MED12L: variants seen among roughly 807,000 people sequenced by gnomAD.
MED12L encodes the protein mediator complex subunit 12L.
Under a neutral mutation model 281.3 loss-of-function variants are expected in MED12L, and 60 were observed. That is an observed-to-expected ratio of 0.21 (90% CI 0.17 to 0.26). The LOEUF is 0.26. MED12L is among the 10% of genes least tolerant of loss of function. The probability of loss-of-function intolerance (pLI) is 1.00; values close to 1 mark genes in which losing one functional copy is unlikely to be tolerated. For missense variants in MED12L, 2,146 were observed against 2,680.9 expected (o/e 0.80, Z 4.41); for synonymous variants, 974 against 987.2 (o/e 0.99, Z 0.25).
At chr3:151,087,213 C>T (rs1024439113) in intron 2 of MED12L, among the ~76,000 whole-genome samples, 188 bp downstream of exon 2, 3 of 152,242 alleles carry the variant, frequency 2.0e-5, no homozygotes, top group Admixed American at 6.5e-5. Context: ...CTGTCAGTCC[C>T]CGCGCTCCAC....
intron 17 of MED12L, 70 bp from the exon 18 acceptor site, chr3:151,355,051 A>C (rs970853195): frequency 3.6e-6 from 4 of 1,111,456 alleles, no homozygotes; most frequent in Non-Finnish European, 5.4e-6. Flanking sequence ...CTTTAAAAAA[A>C]AGTATCCATT....
intron 16 of MED12L, among the ~76,000 whole-genome samples, chr3:151,265,496 C>G (rs1309270787): frequency 6.6e-6 from 1 of 152,178 alleles, no homozygotes; most frequent in Non-Finnish European, 1.5e-5. Flanking sequence ...TTATTCTCAA[C>G]TGCCCACTTG....
intron 16 of MED12L, chr3:151,269,669 A>G: frequency 2.4e-6 from 1 of 419,324 alleles, no homozygotes; most frequent in Non-Finnish European, 4.6e-6. Flanking sequence ...ATTTGGAGGT[A>G]TTAAATCAGG....
chr3:151,340,418 C>T (rs1751664950), intron 16 of MED12L, among the ~76,000 whole-genome samples: 2 of 152,084 alleles, frequency 1.3e-5, no homozygotes, highest in African/African-American at 4.8e-5. Context: ...GGCTAATTAA[C>T]AATTGTCTCT....
At position 151,377,033 on chromosome 3, in the gene MED12L, A is replaced by T; in HGVS notation, c.4171A>T (p.Ile1391Phe). ...CGAAATGAACAACTTACTGGACAATATTGCAAAGGCAACAATAGAGGTATT... is the reference window on the plus strand; with the variant it reads ...CGAAATGAACAACTTACTGGACAATTTTGCAAAGGCAACAATAGAGGTATT... ...VAEMNNLLDN[I>F]AKATIEVFQQ... The change falls in exon 30 of 45, where the codon ATT (isoleucine) becomes TTT (phenylalanine). Residue 1391 changes from isoleucine to phenylalanine, a missense_variant. By Grantham distance (21) the Ile-to-Phe change is conservative. Coordinates refer to ENST00000687756, the MANE Select transcript of MED12L (RefSeq NM_001393769.1). 1 of 1,614,104 alleles carries T rather than the reference A, an allele frequency of 6.2e-7. No homozygotes were observed. The highest frequency in any genetic ancestry group is 8.5e-7 in the Non-Finnish European group (1 of 1,179,956).
intron 16 of MED12L, chr3:151,329,577 T>C (rs898917581): frequency 2.2e-6 from 3 of 1,358,130 alleles, no homozygotes; most frequent in Non-Finnish European, 3.1e-6. Flanking sequence ...TGCTTTCTTA[T>C]AGTGGATTTC....
At chr3:151,100,300 TC>T in intron 2 of MED12L, among the ~76,000 whole-genome samples, 1 of 152,308 alleles carries the variant, frequency 6.6e-6, no homozygotes, top group South Asian at 2.1e-4. Flanking sequence ...GTGCTGCAGA[TC>T]AGCTGTGCAA....
chr3:151,096,287 A>G (rs1720698117), intron 2 of MED12L, among the ~76,000 whole-genome samples: 2 of 152,218 alleles, frequency 1.3e-5, no homozygotes, highest in Non-Finnish European at 2.9e-5. Flanking sequence ...GTTGGACCAT[A>G]TGTCAATTTC....
intron 16 of MED12L, chr3:151,269,974 C>G: frequency 6.2e-6 from 2 of 323,828 alleles, no homozygotes; most frequent in South Asian, 2.7e-5. Flanking sequence ...CATTACAGTA[C>G]TACTTGGTTT....
chr3:151,396,478 T>G (rs1474271540), intron 39 of MED12L, among the ~76,000 whole-genome samples: 2 of 152,000 alleles, frequency 1.3e-5, no homozygotes, highest in Non-Finnish European at 2.9e-5. Context: ...ATACAAAAAT[T>G]AGGCATGGTA....
rs73012985 is a variant in MED12L at position 151,094,019 on chromosome 3, G to A, written c.99+6994G>A. 2.3e-3 allele frequency among the ~76,000 whole-genome samples: 353 copies of A among 152,346 alleles called. 2 individuals carry two copies. Among genetic ancestry groups the A allele is most frequent in the African/African-American group, 8.0e-3 (334 of 41,574 alleles). On this transcript the variant is annotated intron_variant, in intron 2 of 44. Coordinates refer to ENST00000687756, the MANE Select transcript of MED12L (RefSeq NM_001393769.1). ...TGCACTGGGTGAGCACGAGGTAGGA[G>A]AGGATGAGGATGCACAGAGTTGAAA...
intron 16 of MED12L, among the ~76,000 whole-genome samples, chr3:151,229,251 G>T (rs1321663045): frequency 6.6e-6 from 1 of 150,828 alleles, no homozygotes; most frequent in Non-Finnish European, 1.5e-5. Flanking sequence ...CTGTTAGAGG[G>T]TTCTTTGATT....
intron 17 of MED12L, among the ~76,000 whole-genome samples, chr3:151,352,074 G>C (rs1753302362): frequency 6.6e-6 from 1 of 152,086 alleles, no homozygotes; most frequent in African/African-American, 2.4e-5. Flanking sequence ...GAAATCTTGG[G>C]GATGAGACCC....
At chr3:151,370,310 T>G (rs17204459) in intron 26 of MED12L, among the ~76,000 whole-genome samples, 1 of 152,180 alleles carries the variant, frequency 6.6e-6, no homozygotes, top group Non-Finnish European at 1.5e-5. Flanking sequence ...TTGACTCTTA[T>G]GTTCAGAAGT....
chr3:151,228,526 T>C (rs1297245920), intron 16 of MED12L, among the ~76,000 whole-genome samples: 1 of 152,196 alleles, frequency 6.6e-6, no homozygotes, highest in Non-Finnish European at 1.5e-5. Context: ...GGAGGCACAG[T>C]AGACCCTTTG....
chr3:151,165,391 C>A, intron 9 of MED12L, 29 bp from the exon 10 acceptor site: 1 of 1,581,482 alleles, frequency 6.3e-7, no homozygotes, highest in Non-Finnish European at 8.7e-7. Context: ...ATTCCAAGCA[C>A]AAGTTAATTA....
chr3:151,402,239 A>C (rs1417912761), intron 39 of MED12L, among the ~76,000 whole-genome samples: 3 of 152,194 alleles, frequency 2.0e-5, no homozygotes, highest in African/African-American at 7.2e-5. Flanking sequence ...GAAATTTTTA[A>C]CATCTCAGTA....
chr3:151,229,435 T>G (rs1010298730), intron 16 of MED12L, among the ~76,000 whole-genome samples: 2 of 150,672 alleles, frequency 1.3e-5, no homozygotes, highest in Admixed American at 6.6e-5. Flanking sequence ...GCCTCCCGAG[T>G]AGCTGGGACT....
At chr3:151,157,869 T>C (rs114828725) in intron 6 of MED12L, among the ~76,000 whole-genome samples, 1 of 152,338 alleles carries the variant, frequency 6.6e-6, no homozygotes, top group Non-Finnish European at 1.5e-5. Context: ...CATAAAAGTA[T>C]ATGTCTTTCC....
Sources: gnomAD v4.1 joint callset for allele counts (sites outside exome capture counted in the v4.1 genomes callset) on GRCh38, gnomAD v4.1.1 for gene constraint, MANE v1.5 for transcripts, NCBI Gene and HGNC (gene_info 2026-07-23, HGNC 2026-07-21) for gene names.